Variants in TMED3 observed in about 807,000 individuals in gnomAD.
The protein encoded by TMED3 is transmembrane emp24 domain-containing protein 3.
In TMED3, 9 loss-of-function variants were observed where a neutral mutation model predicts 15.0. That is an observed-to-expected ratio of 0.60 (90% confidence interval 0.36 to 1.04). The LOEUF is 1.04. Ranked by LOEUF, TMED3 falls within the 50% of genes least tolerant of loss-of-function variation. The probability of loss-of-function intolerance (pLI) is 0.01; values close to 1 mark genes in which losing one functional copy is unlikely to be tolerated. For synonymous variants in TMED3, 117 were observed against 121.4 expected (o/e 0.96, Z 0.24); for missense variants, 267 against 278.9 (o/e 0.96, Z 0.30).
At chr15:79,320,134 C>A (rs562170100) in intron 2 of TMED3, among the ~76,000 whole-genome samples, 2 of 152,262 alleles carry the variant, frequency 1.3e-5, no homozygotes, top group African/African-American at 4.8e-5. Context: ...GACCACAGTC[C>A]ACTTGGCAAT....
At chr15:79,386,206 A>G (rs906447500) in intron 2 of TMED3, among the ~76,000 whole-genome samples, 2 of 152,194 alleles carry the variant, frequency 1.3e-5, no homozygotes, top group African/African-American at 4.8e-5. Context: ...CTGAAGATCT[A>G]TTGTCTAACA....
chr15:79,351,583 G>T (rs751356306), intron 2 of TMED3, among the ~76,000 whole-genome samples: 1 of 152,018 alleles, frequency 6.6e-6, no homozygotes, highest in Non-Finnish European at 1.5e-5. Flanking sequence ...AATAGATGTT[G>T]GCGTGGATGT....
At chr15:79,331,956 G>A (rs144033102) in intron 2 of TMED3, among the ~76,000 whole-genome samples, 118 of 152,284 alleles carry the variant, frequency 7.7e-4, no homozygotes, top group African/African-American at 2.6e-3. Flanking sequence ...TGGAAGCTGA[G>A]GTGGGAGGAT....
intron 2 of TMED3, among the ~76,000 whole-genome samples, chr15:79,391,215 G>A (rs1383976319): frequency 1.3e-5 from 2 of 151,952 alleles, no homozygotes; most frequent in African/African-American, 2.4e-5. Flanking sequence ...TCTTTTTGAT[G>A]TAGGTGTTTA....
At chr15:79,357,851 A>C (rs1296507336) in intron 2 of TMED3, among the ~76,000 whole-genome samples, 1 of 152,174 alleles carries the variant, frequency 6.6e-6, no homozygotes, top group Non-Finnish European at 1.5e-5. Flanking sequence ...TGGGAAGTTA[A>C]TGCATTGGTT....
intron 1 of TMED3, among the ~76,000 whole-genome samples, chr15:79,312,986 G>A (rs890213360): frequency 6.6e-5 from 10 of 152,150 alleles, no homozygotes; most frequent in Admixed American, 6.5e-5. Context: ...GCAGTCTGAC[G>A]ATTGTCCAGT....
At chr15:79,362,911 G>A (rs1567032987) in intron 2 of TMED3, among the ~76,000 whole-genome samples, 1 of 152,108 alleles carries the variant, frequency 6.6e-6, no homozygotes, top group Non-Finnish European at 1.5e-5. Flanking sequence ...ACTAATACAA[G>A]AATAATTGCA....
rs141064727 is a variant in TMED3, at chr15:79,378,814, A to T, written c.418-32586A>T. On this transcript the variant is annotated intron_variant, in intron 2 of 2. Coordinates refer to the TMED3 transcript ENST00000424155. ...CAAAATGTAATATGATTTAGTATCTATTCTATTTTTTCATTTTTATAGATA... is the reference window on the plus strand; with the variant it reads ...CAAAATGTAATATGATTTAGTATCTTTTCTATTTTTTCATTTTTATAGATA... 5.3e-5 allele frequency among the ~76,000 whole-genome samples: 8 copies of T among 152,330 alleles called. No homozygotes were observed. The East Asian group carries it at 1.5e-3, about 29-fold the overall frequency.
chr15:79,379,415 G>C (rs1482474906), intron 2 of TMED3, among the ~76,000 whole-genome samples: 1 of 152,092 alleles, frequency 6.6e-6, no homozygotes, highest in Non-Finnish European at 1.5e-5. Context: ...AATAAAACTA[G>C]AAAGGATTGA....
At chr15:79,329,334 T>C (rs2058798939) in intron 2 of TMED3, among the ~76,000 whole-genome samples, 1 of 152,228 alleles carries the variant, frequency 6.6e-6, no homozygotes, top group Non-Finnish European at 1.5e-5. Flanking sequence ...AATATCGTTA[T>C]ACCAGAATCA....
chr15:79,356,359 C>T (rs1396474003), intron 2 of TMED3, among the ~76,000 whole-genome samples: 3 of 152,110 alleles, frequency 2.0e-5, no homozygotes, highest in African/African-American at 7.2e-5. Context: ...GAGTTTAGAA[C>T]AATGTTGGCA....
chr15:79,374,422 G>A (rs908053524), intron 2 of TMED3, among the ~76,000 whole-genome samples: 2 of 152,168 alleles, frequency 1.3e-5, no homozygotes, highest in East Asian at 3.8e-4. Flanking sequence ...ACTTTGGAAT[G>A]CCCTTGGCCA....
intron 2 of TMED3, among the ~76,000 whole-genome samples, chr15:79,348,618 A>G (rs1045522752): frequency 3.3e-5 from 5 of 152,364 alleles, no homozygotes; most frequent in African/African-American, 4.8e-5. Flanking sequence ...CAAGAGGTGC[A>G]TACCATAATG....
At chr15:79,340,026 A>G (rs1010936011) in intron 2 of TMED3, among the ~76,000 whole-genome samples, 1 of 152,180 alleles carries the variant, frequency 6.6e-6, no homozygotes, top group Non-Finnish European at 1.5e-5. Context: ...TGTGTGTCTC[A>G]CTGCTAGTAA....
At chr15:79,361,664 C>G (rs746438187) in intron 2 of TMED3, among the ~76,000 whole-genome samples, 4 of 151,844 alleles carry the variant, frequency 2.6e-5, no homozygotes, top group Non-Finnish European at 5.9e-5. Context: ...AGAACTTACT[C>G]ATGTAATCAA....
At chr15:79,315,723 G>A (rs535590521) in intron 2 of TMED3, among the ~76,000 whole-genome samples, 80 of 152,276 alleles carry the variant, frequency 5.3e-4, no homozygotes, top group African/African-American at 1.8e-3. Context: ...CAAAAGAGCC[G>A]TTTCCTTCCA....
At chr15:79,337,031 G>T (rs1316271636) in intron 2 of TMED3, among the ~76,000 whole-genome samples, 2 of 152,234 alleles carry the variant, frequency 1.3e-5, no homozygotes, top group Admixed American at 6.5e-5. Flanking sequence ...AAGCCTGTAT[G>T]TGAACTGACC....
intron 1 of TMED3, among the ~76,000 whole-genome samples, chr15:79,312,203 C>T (rs1440427350): frequency 6.6e-6 from 1 of 152,100 alleles, no homozygotes; most frequent in African/African-American, 2.4e-5. Flanking sequence ...AATGAGGGGC[C>T]ACGGGCAGCA....
chr15:79,333,210 C>CA (rs2058815841), intron 2 of TMED3, among the ~76,000 whole-genome samples: 1 of 152,176 alleles, frequency 6.6e-6, no homozygotes, highest in African/African-American at 2.4e-5. Flanking sequence ...TTTATTTAAG[C>CA]AAAATTGTAA....
Sources: gnomAD v4.1 joint callset for allele counts (sites outside exome capture counted in the v4.1 genomes callset) on GRCh38, gnomAD v4.1.1 for gene constraint, MANE v1.5 for transcripts, NCBI Gene and HGNC (gene_info 2026-07-23, HGNC 2026-07-21) for gene names.